The following WWC1 variants were observed in gnomAD, a reference collection of about 807,000 sequenced individuals.
WWC1 encodes the protein protein KIBRA.
Under a neutral mutation model 138.4 loss-of-function variants are expected in WWC1, and 55 were observed. The ratio of observed to expected loss-of-function variants is 0.40; its 90% CI spans 0.32 to 0.50. The LOEUF (loss-of-function observed/expected upper bound fraction) is 0.50. Among genes scored for constraint, WWC1 ranks in the 20% least tolerant of loss-of-function variants. WWC1 has a pLI of 0.72. For missense variants in WWC1, 1,226 were observed against 1,420.4 expected (o/e 0.86, Z 2.20); for synonymous variants, 524 against 564.9 (o/e 0.93, Z 1.03).
At chr5:168,379,179 A>G (rs1255284060) in intron 2 of WWC1, among the ~76,000 whole-genome samples, 4 of 152,200 alleles carry the variant, frequency 2.6e-5, no homozygotes, top group African/African-American at 4.8e-5. Context: ...AGGAAATTTT[A>G]TAGTGCACTG....
intron 3 of WWC1, among the ~76,000 whole-genome samples, chr5:168,389,398 C>T (rs913426819): frequency 6.7e-6 from 1 of 150,186 alleles, no homozygotes; most frequent in African/African-American, 2.4e-5. Context: ...TTGCAGTGAG[C>T]CGAGATAGCA....
At chr5:168,452,739 C>T (rs146278688) in intron 17 of WWC1, among the ~76,000 whole-genome samples, 1 of 151,632 alleles carries the variant, frequency 6.6e-6, no homozygotes, top group African/African-American at 2.4e-5. Flanking sequence ...AAATGTTCAT[C>T]AACTAAACTC....
intron 16 of WWC1, among the ~76,000 whole-genome samples, chr5:168,444,290 A>G (rs537569237): frequency 6.6e-6 from 1 of 152,368 alleles, no homozygotes; most frequent in African/African-American, 2.4e-5. Flanking sequence ...TACAGGAGCT[A>G]TTCTCTGGAG....
rs183052198 is a variant in WWC1, at chr5:168,391,387, G to A, written c.433+5973G>A. ...CTAAAAACTAAAAAATGGACCAGGC[G>A]CGGTGGCTCACGCCTGTAATCCCAG... On this transcript the variant is annotated intron_variant, in intron 3 of 22. Transcript: ENST00000265293. Among the ~76,000 whole-genome samples the A allele has an allele frequency of 1.9e-3, 293 of 152,220 alleles. 1 individual carries two copies. Among genetic ancestry groups the A allele is most frequent in the Middle Eastern group, 3.4e-3 (1 of 294 alleles).
intron 15 of WWC1, among the ~76,000 whole-genome samples, chr5:168,438,324 T>C (rs1754429282): frequency 6.6e-6 from 1 of 152,146 alleles, no homozygotes; most frequent in African/African-American, 2.4e-5. Context: ...ACCCCCATGC[T>C]GCTGTTCTCA....
chr5:168,300,304 G>A (rs1769946008), intron 1 of WWC1, among the ~76,000 whole-genome samples: 1 of 152,142 alleles, frequency 6.6e-6, no homozygotes. Flanking sequence ...GGTGGCGGGA[G>A]GAGGGGGCAG....
intron 17 of WWC1, 79 bp downstream of exon 17, chr5:168,444,664 G>A: frequency 1.3e-6 from 2 of 1,484,154 alleles, no homozygotes; most frequent in South Asian, 2.3e-5. Flanking sequence ...CAATGCCAGT[G>A]CAACTAAGAG....
chr5:168,309,332 T>G (rs1304466262), intron 1 of WWC1, among the ~76,000 whole-genome samples: 1 of 152,200 alleles, frequency 6.6e-6, no homozygotes, highest in Non-Finnish European at 1.5e-5. Flanking sequence ...AATCGAAAAT[T>G]GAATCCAGTC....
intron 10 of WWC1, among the ~76,000 whole-genome samples, chr5:168,423,162 A>AAAAAAAAAAAAAAAAC (rs1561743499): frequency 2.0e-4 from 22 of 108,820 alleles, no homozygotes; most frequent in Non-Finnish European, 3.7e-4. Flanking sequence ...AAAAAAAAAA[A>AAAAAAAAAAAAAAAAC]AAAAAAAAAA....
chr5:168,330,246 C>T (rs963527974), intron 1 of WWC1, among the ~76,000 whole-genome samples: 10 of 152,312 alleles, frequency 6.6e-5, no homozygotes, highest in East Asian at 3.9e-4. Context: ...AGGAGGGTCT[C>T]GGCAATCGGC....
At chr5:168,441,374 G>C (rs1031783278) in intron 15 of WWC1, among the ~76,000 whole-genome samples, 8 of 152,140 alleles carry the variant, frequency 5.3e-5, no homozygotes, top group Non-Finnish European at 8.8e-5. Flanking sequence ...TAATACCACT[G>C]AACTGTGCAC....
At chr5:168,414,674 G>A (rs546360837) in intron 9 of WWC1, 84 bp downstream of exon 9, 3 of 1,458,868 alleles carry the variant, frequency 2.1e-6, no homozygotes, top group South Asian at 2.9e-5. Context: ...AGAATGAGGG[G>A]GCTCCGGGCC....
chr5:168,311,653 C>G (rs1194718707), intron 1 of WWC1, among the ~76,000 whole-genome samples: 1 of 152,086 alleles, frequency 6.6e-6, no homozygotes, highest in Non-Finnish European at 1.5e-5. Flanking sequence ...GGTGGATCAC[C>G]TGAGGTCAGG....
At chr5:168,422,964 G>A (rs908490846) in intron 10 of WWC1, among the ~76,000 whole-genome samples, 11 of 151,914 alleles carry the variant, frequency 7.2e-5, no homozygotes, top group African/African-American at 1.7e-4. Flanking sequence ...TGGGCAACAC[G>A]GTGAAACCCC....
At chr5:168,355,001 T>C (rs1341704767) in intron 1 of WWC1, among the ~76,000 whole-genome samples, 1 of 152,214 alleles carries the variant, frequency 6.6e-6, no homozygotes, top group African/African-American at 2.4e-5. Context: ...TCTGCTATGT[T>C]CATTCAGCAG....
intron 1 of WWC1, among the ~76,000 whole-genome samples, chr5:168,318,508 C>A (rs1034539859): frequency 3.3e-5 from 5 of 151,876 alleles, no homozygotes; most frequent in Non-Finnish European, 5.9e-5. Context: ...ACTTCTCTGA[C>A]TGCCTCATAT....
chr5:168,422,160 G>A lies in WWC1; in HGVS notation c.1274+63G>A. On this transcript the variant is annotated intron_variant, in intron 10 of 22. Coordinates refer to ENST00000265293, the MANE Select transcript of WWC1 (RefSeq NM_015238.3). Reference sequence around the variant, plus strand: ...ATGGCCAGACATGGGTGTCCCCAGTGTCCCAGCCCAGGCTCTACCCTTCAC... The same window carrying A: ...ATGGCCAGACATGGGTGTCCCCAGTATCCCAGCCCAGGCTCTACCCTTCAC... 3.3e-6 allele frequency: 5 copies of A among 1,522,722 alleles called. No homozygotes were observed. The South Asian group carries it at 5.6e-5, about 17-fold the overall frequency. The allele number at this position is 1,522,722 out of a possible 1,614,324, so 94.3% of individuals were successfully genotyped here.
rs79212989 is a variant in WWC1 at position 168,428,738 on chromosome 5, A to G, written c.1951A>G (p.Ser651Gly). ...LGASEAAAFD[S>G]DESEAVGATR... ...TGCTTCAGAAGCTGCTGCATTTGAC[A>G]GTGACGAATCGGAAGCAGTGGGTGC... is the stretch of plus-strand genomic sequence containing the variant. The change falls in exon 13 of 23, where the codon AGT becomes GGT. Residue 651 changes from serine (S) to glycine (G), a missense_variant. Ser to Gly is a moderately conservative substitution (Grantham distance 56). Around this residue, in one of 3 missense-constraint regions of WWC1, gnomAD observed 1,016 missense variants for 1,153.9 expected, o/e 0.88. Coordinates refer to ENST00000265293, the MANE Select transcript of WWC1 (RefSeq NM_015238.3). The G allele has an allele frequency of 1.7e-3, 2,733 of 1,613,922 alleles. 42 individuals carry two copies. In the East Asian group the frequency reaches 0.041, roughly 24 times the overall value.
intron 11 of WWC1, among the ~76,000 whole-genome samples, chr5:168,427,251 A>G (rs527482329): frequency 2.2e-4 from 34 of 152,310 alleles, no homozygotes; most frequent in African/African-American, 7.0e-4. Flanking sequence ...GGCAATAAGG[A>G]TAGTTGTAAT....
Sources: gnomAD v4.1 joint callset for allele counts (sites outside exome capture counted in the v4.1 genomes callset) on GRCh38, gnomAD v4.1.1 for gene constraint, gnomAD v4.1.1 regional missense constraint, MANE v1.5 for transcripts, NCBI Gene and HGNC (gene_info 2026-07-23, HGNC 2026-07-21) for gene names.